The following NT5C1A variants were observed in gnomAD, a reference collection of about 807,000 sequenced individuals.
NT5C1A encodes 5'-nucleotidase, cytosolic IA.
In NT5C1A, 18 loss-of-function variants were observed where a neutral mutation model predicts 31.0. That is an observed-to-expected ratio of 0.58 (90% CI 0.40 to 0.86). The LOEUF (loss-of-function observed/expected upper bound fraction) is 0.86. NT5C1A is among the 40% of genes least tolerant of loss of function. The probability of loss-of-function intolerance (pLI) is 0.00; values close to 1 mark genes in which losing one functional copy is unlikely to be tolerated. For missense variants in NT5C1A, 470 were observed against 505.4 expected, an observed-to-expected ratio of 0.93 and a Z score of 0.67; for synonymous variants, 185 against 203.6, an observed-to-expected ratio of 0.91 and a Z score of 0.78.
At chr1:39,670,869 T>C (rs1570463839) in intron 1 of NT5C1A, among the ~76,000 whole-genome samples, 1 of 150,160 alleles carries the variant, frequency 6.7e-6, no homozygotes, top group African/African-American at 2.4e-5. Flanking sequence ...ACTACTCTAC[T>C]CCCCCCCCAA....
At chr1:39,664,490 C>CTCCT (rs1553485418) in intron 3 of NT5C1A, among the ~76,000 whole-genome samples, 1 of 2,894 alleles carries the variant, frequency 3.5e-4, no homozygotes, top group African/African-American at 1.8e-3. Context: ...GTGGATTTCT[C>CTCCT]CTCCTCTCCT....
rs550969987 is a variant in NT5C1A, at chr1:39,660,996, C to T, written c.741+83G>A. The T allele has an allele frequency of 2.2e-5, 17 of 771,364 alleles. No individual in the cohort carries two copies. The East Asian group carries it at 3.8e-4, about 17-fold the overall frequency. The allele number at this position is 771,364 out of a possible 1,614,324, so 47.8% of individuals were successfully genotyped here. On this transcript the variant is annotated intron_variant, in intron 5 of 5. Transcript: ENST00000235628. The stretch of plus-strand genomic sequence containing the variant: ...CTGGGCTGAGCCTGGGGTTTGTTTG[C>T]TTCCAGGCTGGGAGTGCAGGCCAAG...
At chr1:39,661,023 G>A (rs2124151813) in intron 5 of NT5C1A, 56 bp downstream of exon 5, 2 of 1,053,970 alleles carry the variant, frequency 1.9e-6, no homozygotes, top group South Asian at 1.5e-5. Context: ...CAGGCCAAGG[G>A]CAGGTCTGGG....
At position 39,672,102 on chromosome 1, in the gene NT5C1A, T is replaced by G. The variant is rs1646556074; in HGVS notation, c.-64A>C. 17 of 1,248,736 alleles carry G rather than the reference T, an allele frequency of 1.4e-5. No individual in the cohort carries two copies. Among genetic ancestry groups the G allele is most frequent in the Non-Finnish European group, 1.8e-5 (17 of 938,916 alleles). The allele number at this position is 1,248,736 out of a possible 1,614,324, so 77.4% of individuals were successfully genotyped here. A position where few individuals can be genotyped will look rare whatever the true frequency, so the allele number is the denominator to read the frequency against. ...GCGTAGACGCGGAGGTGGCTGGGGC[T>G]GGGCTGCAGGAGGGAGGCGAGTCCC... is the stretch of plus-strand genomic sequence containing the variant. On this transcript the variant is annotated 5_prime_UTR_variant, in exon 1 of 6. Coordinates refer to ENST00000235628, the MANE Select transcript of NT5C1A (RefSeq NM_032526.3).
chr1:39,663,866 C>T (rs184851572), intron 3 of NT5C1A, among the ~76,000 whole-genome samples: 3 of 152,276 alleles, frequency 2.0e-5, no homozygotes, highest in East Asian at 1.9e-4. Flanking sequence ...TTAAGTTACC[C>T]GTCACTCTCG....
Position 39,671,850 on chromosome 1 carries a change from C to T in NT5C1A, c.135+54G>A, listed in dbSNP as rs533422680. 5.0e-5 allele frequency: 81 copies of T among 1,606,644 alleles called. No individual in the cohort carries two copies. In the East Asian group the frequency reaches 1.6e-3, roughly 31 times the overall value. On this transcript the variant is annotated intron_variant, in intron 1 of 5. Coordinates refer to ENST00000235628, the MANE Select transcript of NT5C1A (RefSeq NM_032526.3). ...TCCCTTCCCAAGAGACTTATGACCC[C>T]TCCTCCGGGGTAACCCTTCCCCCGT...
chr1:39,659,624 C>T (rs960804384), intron 5 of NT5C1A, 138 bp from the exon 6 acceptor site: 4 of 1,073,100 alleles, frequency 3.7e-6, no homozygotes, highest in African/African-American at 1.6e-5. Flanking sequence ...TCTGCTTATG[C>T]CTGCTTAGGC....
At chr1:39,664,357 T>C (rs1436272696) in intron 3 of NT5C1A, among the ~76,000 whole-genome samples, 3 of 148,410 alleles carry the variant, frequency 2.0e-5, no homozygotes, top group Non-Finnish European at 4.5e-5. Context: ...CGTTTCACGG[T>C]GTTAGCAATC....
intron 4 of NT5C1A, among the ~76,000 whole-genome samples, chr1:39,661,695 C>T (rs1346478799): frequency 6.6e-6 from 1 of 152,192 alleles, no homozygotes; most frequent in African/African-American, 2.4e-5. Context: ...GCCTCACAGC[C>T]CCTGATGTAG....
At chr1:39,668,725 T>C (rs773794703) in intron 1 of NT5C1A, among the ~76,000 whole-genome samples, 2 of 152,102 alleles carry the variant, frequency 1.3e-5, no homozygotes, top group Non-Finnish European at 2.9e-5. Flanking sequence ...CTTTCCAGAT[T>C]TGGGAGAAAT....
chr1:39,661,196 C>T lies in NT5C1A; in HGVS notation c.624G>A (p.Val208=), dbSNP rs755778557. 2.8e-5 allele frequency: 44 copies of T among 1,596,858 alleles called. No homozygotes were observed. In the Admixed American group the frequency reaches 7.3e-4, roughly 27 times the overall value. The change falls in exon 5 of 6, where the codon GTG becomes GTA. Residue 208 remains valine (V), a synonymous_variant. Transcript: ENST00000235628. ...AGAGCACGGCGTCCCCATCGAAGGC[C>T]ACGCGCAGCTGACTCTGGGACACAA... ...DVVVSQSQLR[V]AFDGDAVLFS... is the part of the protein sequence containing the mutation.
intron 1 of NT5C1A, among the ~76,000 whole-genome samples, chr1:39,669,601 T>G (rs1192544227): frequency 6.6e-6 from 1 of 152,178 alleles, no homozygotes; most frequent in Non-Finnish European, 1.5e-5. Context: ...CCTCCAGGCT[T>G]CTTGCCTCCC....
rs1646471823 is a variant in NT5C1A at position 39,657,956 on chromosome 1, G to A, written c.*1165C>T. Among the ~76,000 whole-genome samples the A allele has an allele frequency of 6.6e-6, 1 of 152,236 alleles. No homozygotes were observed. The highest frequency in any genetic ancestry group is 1.5e-5 in the Non-Finnish European group (1 of 68,004). On this transcript the variant is annotated 3_prime_UTR_variant, in exon 6 of 6. Coordinates refer to ENST00000235628, the MANE Select transcript of NT5C1A (RefSeq NM_032526.3). ...TCACCCCAGGCAGCACCTCACCCTGGGGCTCAGCCTGGACAACCGCCTACC... is the reference window on the plus strand; with the variant it reads ...TCACCCCAGGCAGCACCTCACCCTGAGGCTCAGCCTGGACAACCGCCTACC...
At position 39,671,953 on chromosome 1, in the gene NT5C1A, TCCTC is replaced by T; in HGVS notation, c.82_85del (p.Glu28LysfsTer72). The T allele has an allele frequency of 1.9e-6, 3 of 1,612,950 alleles. No individual in the cohort carries two copies. Among genetic ancestry groups the T allele is most frequent in the Non-Finnish European group, 2.5e-6 (3 of 1,179,846 alleles). The stretch of plus-strand genomic sequence containing the variant: ...GAGGTTGTCGTAGAAAATCTTGGCT[TCCTC>T]CCAGACCGGGGCCGCAGCGGTCTCC... On this transcript the variant is annotated frameshift_variant, in exon 1 of 6. Coordinates refer to ENST00000235628, the MANE Select transcript of NT5C1A (RefSeq NM_032526.3). LOFTEE classifies it high-confidence loss of function.
chr1:39,659,752 A>G (rs529749031), intron 5 of NT5C1A, among the ~76,000 whole-genome samples: 26 of 152,354 alleles, frequency 1.7e-4, no homozygotes, highest in Admixed American at 1.4e-3. Context: ...ATGCCCATCA[A>G]GGTATACAGA....
Position 39,663,330 on chromosome 1 carries a change from G to C in NT5C1A, c.538C>G (p.Arg180Gly), listed in dbSNP as rs374150125. Residue 180 changes from arginine to glycine, a missense_variant, in exon 4 of 6, where the codon CGA becomes GGA. Physicochemically the swap from Arg to Gly is moderately radical, Grantham distance 125. Transcript: ENST00000235628. The part of the protein sequence containing the change: ...LYLSADAEKV[R>G]EAIDEGIAAA... ...GACTTACCCTCATCAATGGCTTCTC[G>C]CACTTTTTCCGCATCGGCTGACAAG... is the stretch of plus-strand genomic sequence containing the variant. The C allele has an allele frequency of 1.2e-6, 2 of 1,613,970 alleles. No individual in the cohort carries two copies. The highest frequency in any genetic ancestry group is 1.7e-6 in the Non-Finnish European group (2 of 1,180,020).
rs1343778250 is a variant in NT5C1A at position 39,654,010 on chromosome 1, C to G, written c.*5111G>C. ...CTGGAATGCTGGATAGAGAAAGATT[C>G]TGAGACCCAGTCTGGGCTTAGTGGA... is the stretch of plus-strand genomic sequence containing the variant. On this transcript the variant is annotated 3_prime_UTR_variant, in exon 6 of 6. Transcript: ENST00000235628. 2.6e-5 allele frequency among the ~76,000 whole-genome samples: 4 copies of G among 152,070 alleles called. No individual in the cohort carries two copies. Among genetic ancestry groups the G allele is most frequent in the Non-Finnish European group, 5.9e-5 (4 of 68,046 alleles).
Position 39,656,959 on chromosome 1 carries a change from T to C in NT5C1A, c.*2162A>G, listed in dbSNP as rs911035932. ...GTTCTTGGCCCTCACAGTACCTCTG[T>C]CTAGGCTTGGAGCTCTGGAAGTAGA... On this transcript the variant is annotated 3_prime_UTR_variant, in exon 6 of 6. Transcript: ENST00000235628. Among the ~76,000 whole-genome samples, 2 of 152,240 alleles carry C rather than the reference T, an allele frequency of 1.3e-5. No homozygotes were observed. Among genetic ancestry groups the C allele is most frequent in the Admixed American group, 6.5e-5 (1 of 15,290 alleles).
chr1:39,670,255 A>G lies in NT5C1A; in HGVS notation c.135+1649T>C, dbSNP rs548309138. 6.6e-5 allele frequency among the ~76,000 whole-genome samples: 10 copies of G among 152,356 alleles called. No individual in the cohort carries two copies. The South Asian group carries it at 8.3e-4, about 13-fold the overall frequency. ...GTTGTTGCTGTGTTTGTATTTGTAC[A>G]GTATTGAGAAAGTCCTGATTCAGAC... On this transcript the variant is annotated intron_variant, in intron 1 of 5. Coordinates refer to ENST00000235628, the MANE Select transcript of NT5C1A (RefSeq NM_032526.3).
Sources: allele counts gnomAD v4.1 joint callset (sites outside exome capture counted in the v4.1 genomes callset), GRCh38; gene constraint gnomAD v4.1.1; transcripts MANE v1.5; gene names NCBI Gene and HGNC (gene_info 2026-07-23, HGNC 2026-07-21).